Variants in SIM1 observed in about 807,000 individuals in gnomAD.
SIM1 encodes single-minded homolog 1.
SIM1 carries 18 observed loss-of-function variants against 78.2 expected under a neutral mutation model. That is an observed-to-expected ratio of 0.23 (90% CI 0.16 to 0.34). The LOEUF is 0.34. Ranked by LOEUF, SIM1 falls within the 10% of genes least tolerant of loss-of-function variation. SIM1 has a pLI of 1.00. For synonymous variants in SIM1, 417 were observed against 385.2 expected (o/e 1.08, Z -0.97); for missense variants, 939 against 975.1 (o/e 0.96, Z 0.49).
intron 9 of SIM1, among the ~76,000 whole-genome samples, chr6:100,443,425 TTC>T (rs746674983): frequency 8.5e-5 from 13 of 152,268 alleles, no homozygotes; most frequent in African/African-American, 2.6e-4. Flanking sequence ...ACTAAATCTA[TTC>T]TCTCTCTTTT....
intron 10 of SIM1, among the ~76,000 whole-genome samples, chr6:100,398,964 TGTA>T (rs797012624): frequency 0.023 from 2,777 of 120,768 alleles, 55 homozygotes; most frequent in African/African-American, 0.057. Flanking sequence ...TGTGTGTATG[TGTA>T]GTAGTAGTAG....
chr6:100,406,664 A>G (rs1029086024), intron 10 of SIM1, among the ~76,000 whole-genome samples: 5 of 152,228 alleles, frequency 3.3e-5, no homozygotes, highest in Admixed American at 3.3e-4. Flanking sequence ...TAAACAATAT[A>G]CATCAGAACC....
At chr6:100,412,212 G>A (rs747528178) in intron 10 of SIM1, among the ~76,000 whole-genome samples, 14 of 152,138 alleles carry the variant, frequency 9.2e-5, no homozygotes, top group Non-Finnish European at 1.3e-4. Context: ...GGCAATGGGG[G>A]AAAGAAGATC....
intron 10 of SIM1, among the ~76,000 whole-genome samples, chr6:100,395,692 T>C (rs201923634): frequency 2.6e-5 from 4 of 152,158 alleles, no homozygotes; most frequent in East Asian, 1.9e-4. Flanking sequence ...GAGAACTTCA[T>C]AGGACAAAAC....
At chr6:100,412,641 G>A (rs866254544) in intron 10 of SIM1, among the ~76,000 whole-genome samples, 857 of 70,222 alleles carry the variant, frequency 0.012, 71 homozygotes, top group Middle Eastern at 0.031. Flanking sequence ...AGAAAGAAAA[G>A]AAAGAAAGAA....
intron 10 of SIM1, among the ~76,000 whole-genome samples, chr6:100,403,680 T>C (rs1241429669): frequency 2.6e-5 from 4 of 152,158 alleles, no homozygotes; most frequent in African/African-American, 9.7e-5. Flanking sequence ...ATAAGTTATT[T>C]AGGAAAAAGG....
rs1258744773 is a variant in SIM1 at position 100,448,545 on chromosome 6, T to C, written c.677A>G (p.Lys226Arg). 3 of 1,614,172 alleles carry C rather than the reference T, an allele frequency of 1.9e-6. No individual in the cohort carries two copies. The highest frequency in any genetic ancestry group is 8.5e-7 in the Non-Finnish European group (1 of 1,180,036). The change falls in exon 7 of 12, where the codon AAG (lysine) becomes AGG (arginine). Residue 226 changes from lysine to arginine, a missense_variant. By Grantham distance (26) the Lys-to-Arg change is conservative. Transcript: ENST00000369208. ...SLPPSAVTEI[K>R]LHSNMFMFRA... Reference sequence around the variant, plus strand: ...GAACATAAACATATTGCTGTGTAGCTTGATCTCCGTGACGGCGCTGGGAGG... The same window carrying C: ...GAACATAAACATATTGCTGTGTAGCCTGATCTCCGTGACGGCGCTGGGAGG...
chr6:100,463,144 G>A, intron 2 of SIM1, 150 bp downstream of exon 2: 1 of 626,710 alleles, frequency 1.6e-6, no homozygotes, highest in Non-Finnish European at 2.7e-6. Context: ...GTTCAGTGAG[G>A]ACCTTAGTGA....
At chr6:100,447,901 C>G (rs1315226073) in intron 8 of SIM1, among the ~76,000 whole-genome samples, 1 of 152,230 alleles carries the variant, frequency 6.6e-6, no homozygotes, top group Non-Finnish European at 1.5e-5. Flanking sequence ...ATACCTTCGC[C>G]GGGGGCGGGG....
chr6:100,430,555 A>G (rs991289425), intron 9 of SIM1, among the ~76,000 whole-genome samples: 4 of 152,202 alleles, frequency 2.6e-5, no homozygotes, highest in African/African-American at 9.6e-5. Flanking sequence ...TTTCAAAAAT[A>G]GGAAATAAAA....
chr6:100,437,404 C>T (rs1199095298), intron 9 of SIM1: 1 of 152,056 alleles, frequency 6.6e-6, no homozygotes, highest in Non-Finnish European at 1.5e-5. Context: ...CTCCAATCTG[C>T]TGGTGTTTGT....
chr6:100,439,338 C>G (rs1056804949), intron 9 of SIM1, among the ~76,000 whole-genome samples: 1 of 152,138 alleles, frequency 6.6e-6, no homozygotes, highest in Admixed American at 6.5e-5. Flanking sequence ...GCTTCCAACC[C>G]TTAAAATTCC....
chr6:100,413,058 G>A (rs1193348745), intron 10 of SIM1, among the ~76,000 whole-genome samples: 1 of 152,172 alleles, frequency 6.6e-6, no homozygotes, highest in Non-Finnish European at 1.5e-5. Flanking sequence ...TGGAAGGGCA[G>A]GTCAACTCCC....
intron 2 of SIM1, among the ~76,000 whole-genome samples, chr6:100,461,941 T>G (rs1772867597): frequency 6.6e-6 from 1 of 151,594 alleles, no homozygotes; most frequent in South Asian, 2.1e-4. Context: ...AGGAACTGCT[T>G]TAGGAGGGAA....
chr6:100,435,603 T>C (rs922078165), intron 9 of SIM1, among the ~76,000 whole-genome samples: 9 of 151,868 alleles, frequency 5.9e-5, no homozygotes, highest in Non-Finnish European at 1.3e-4. Context: ...TCCCAGTCTC[T>C]CCCAGACAGA....
chr6:100,392,162 G>T (rs760383102), intron 11 of SIM1, among the ~76,000 whole-genome samples: 2 of 152,100 alleles, frequency 1.3e-5, no homozygotes, highest in Admixed American at 1.3e-4. Flanking sequence ...CGACAAGAGC[G>T]AAACTCTGTC....
intron 11 of SIM1, among the ~76,000 whole-genome samples, chr6:100,392,963 A>G (rs1439410500): frequency 6.6e-6 from 1 of 152,230 alleles, no homozygotes; most frequent in African/African-American, 2.4e-5. Context: ...TCACGGGGTC[A>G]TCATTGTGGG....
chr6:100,386,953 C>T lies in SIM1; in HGVS notation c.*3408G>A, dbSNP rs375019010. On this transcript the variant is annotated 3_prime_UTR_variant, in exon 12 of 12. Transcript: ENST00000369208. ...ATTGTGACATTAATATTACACATCCCAAAATAACACATCAAATCTATATAT... is the reference window on the plus strand; with the variant it reads ...ATTGTGACATTAATATTACACATCCTAAAATAACACATCAAATCTATATAT... The T allele has an allele frequency of 1.3e-5, 2 of 151,958 alleles. No homozygotes were observed. The highest frequency in any genetic ancestry group is 4.1e-4 in the South Asian group (2 of 4,828). 9.4% of individuals were successfully genotyped at this position (151,958 alleles called of 1,614,324 possible). A position where few individuals can be genotyped will look rare whatever the true frequency, so the allele number is the denominator to read the frequency against.
At chr6:100,421,915 G>C (rs1465181440) in intron 9 of SIM1, among the ~76,000 whole-genome samples, 3 of 152,114 alleles carry the variant, frequency 2.0e-5, no homozygotes, top group African/African-American at 7.2e-5. Flanking sequence ...AACTCGCTGG[G>C]CTGCCCCTCG....
Sources: gnomAD v4.1 joint callset for allele counts (sites outside exome capture counted in the v4.1 genomes callset) on GRCh38, gnomAD v4.1.1 for gene constraint, MANE v1.5 for transcripts, NCBI Gene and HGNC (gene_info 2026-07-23, HGNC 2026-07-21) for gene names.